Variants in PCCA observed in about 807,000 individuals in gnomAD.
The protein encoded by PCCA is propionyl-CoA carboxylase alpha chain, mitochondrial.
PCCA carries 74 observed loss-of-function variants against 101.3 expected under a neutral mutation model. The observed-to-expected ratio is 0.73, with a 90% CI of 0.61 to 0.89. PCCA has a LOEUF of 0.89. PCCA is among the 40% of genes least tolerant of loss of function. The pLI is 0.00. For missense variants in PCCA, 891 were observed against 907.0 expected, an observed-to-expected ratio of 0.98 and a Z score of 0.23; for synonymous variants, 294 against 313.6, an observed-to-expected ratio of 0.94 and a Z score of 0.66.
At chr13:100,518,685 C>T (rs2087014019) in intron 22 of PCCA, among the ~76,000 whole-genome samples, 1 of 152,096 alleles carries the variant, frequency 6.6e-6, no homozygotes, top group South Asian at 2.1e-4. Flanking sequence ...TTATTAAGGT[C>T]CAGAATCAGT....
At position 100,253,842 on chromosome 13, in the gene PCCA, C is replaced by T. The variant is rs1009025243; in HGVS notation, c.638-3753C>T. Among the ~76,000 whole-genome samples the T allele has an allele frequency of 7.1e-5, 10 of 140,438 alleles. 1 individual carries two copies. The highest frequency in any genetic ancestry group is 6.7e-4 in the Admixed American group (9 of 13,352). 92.1% of individuals were successfully genotyped at this position (140,438 alleles called of 152,430 possible). ...AAGGTGAGGAAAAACTTGGGAAGGG[C>T]ACTAGAGCCTGATTTTTTTTTTTTT... On this transcript the variant is annotated intron_variant, in intron 8 of 23. Transcript: ENST00000376285.
chr13:100,253,041 G>A (rs909941695), intron 8 of PCCA, among the ~76,000 whole-genome samples: 3 of 152,112 alleles, frequency 2.0e-5, no homozygotes, highest in African/African-American at 7.2e-5. Flanking sequence ...TTAAATACTA[G>A]TTTTCTCAGA....
chr13:100,405,624 A>T (rs373828012), intron 19 of PCCA, among the ~76,000 whole-genome samples: 1 of 152,188 alleles, frequency 6.6e-6, no homozygotes, highest in Non-Finnish European at 1.5e-5. Flanking sequence ...ATGGATGTCT[A>T]TTCCACAAGG....
intron 4 of PCCA, among the ~76,000 whole-genome samples, chr13:100,125,047 C>T (rs888463356): frequency 4.6e-5 from 7 of 152,126 alleles, no homozygotes; most frequent in Non-Finnish European, 1.0e-4. Context: ...ATGCCTATCA[C>T]TGATCCTCAA....
At chr13:100,442,140 C>T (rs1161445635) in intron 20 of PCCA, among the ~76,000 whole-genome samples, 3 of 151,958 alleles carry the variant, frequency 2.0e-5, no homozygotes, top group Non-Finnish European at 2.9e-5. Context: ...ATTACAGGCG[C>T]GTGCCACCAT....
In PCCA at chr13:100,394,766, A is replaced by T. The variant is rs1299474280; in HGVS notation, c.1746+26192A>T. 1.3e-5 allele frequency among the ~76,000 whole-genome samples: 2 copies of T among 152,186 alleles called. No individual in the cohort carries two copies. The highest frequency in any genetic ancestry group is 6.5e-5 in the Admixed American group (1 of 15,278). On this transcript the variant is annotated intron_variant, in intron 19 of 23. Coordinates refer to ENST00000376285, the MANE Select transcript of PCCA (RefSeq NM_000282.4). The surrounding 1 kb of genome is among the most constrained non-coding windows in gnomAD (Gnocchi z 4.3). ...CCTTCATAGTAAAATTATGTTTTTT[A>T]AAAAATATGTCCTACTACTAATATT...
chr13:100,277,289 T>C (rs956888069), intron 12 of PCCA, among the ~76,000 whole-genome samples: 1 of 152,220 alleles, frequency 6.6e-6, no homozygotes, highest in Non-Finnish European at 1.5e-5. Flanking sequence ...GTTATGCTTT[T>C]GATTTGTTGA....
chr13:100,506,287 A>G (rs1054525309), intron 21 of PCCA, among the ~76,000 whole-genome samples: 4 of 149,872 alleles, frequency 2.7e-5, no homozygotes, highest in Non-Finnish European at 3.0e-5. Context: ...CTCAGCGTCT[A>G]GGATGTGTCA....
chr13:100,208,173 C>G (rs1014391654), intron 6 of PCCA, among the ~76,000 whole-genome samples: 2 of 152,114 alleles, frequency 1.3e-5, no homozygotes, highest in Admixed American at 1.3e-4. Flanking sequence ...ATATTTATCT[C>G]CTTGTATATT....
At chr13:100,287,313 C>T (rs879457179) in intron 12 of PCCA, among the ~76,000 whole-genome samples, 11 of 151,586 alleles carry the variant, frequency 7.3e-5, no homozygotes, top group African/African-American at 1.2e-4. Context: ...AAAAATTAGC[C>T]TATAGATTAG....
chr13:100,365,286 A>G (rs1323706373), intron 18 of PCCA, among the ~76,000 whole-genome samples: 1 of 152,190 alleles, frequency 6.6e-6, no homozygotes, highest in Non-Finnish European at 1.5e-5. Flanking sequence ...TCCTGGGACA[A>G]ATTATAATAT....
chr13:100,256,186 T>C (rs924770197), intron 8 of PCCA, among the ~76,000 whole-genome samples: 4 of 152,158 alleles, frequency 2.6e-5, no homozygotes, highest in South Asian at 2.1e-4. Context: ...TTTGTATTTT[T>C]AGTAGAGACG....
At chr13:100,430,261 C>T (rs569265766) in intron 20 of PCCA, among the ~76,000 whole-genome samples, 4 of 151,762 alleles carry the variant, frequency 2.6e-5, no homozygotes, top group South Asian at 2.1e-4. Flanking sequence ...AGTGAAACTC[C>T]GTCTCAAAAA....
At chr13:100,282,293 C>G (rs929265279) in intron 12 of PCCA, among the ~76,000 whole-genome samples, 24 of 152,250 alleles carry the variant, frequency 1.6e-4, no homozygotes, top group African/African-American at 5.8e-4. Flanking sequence ...TGGCAGTCCT[C>G]AGAGCCCTCG....
intron 11 of PCCA, among the ~76,000 whole-genome samples, chr13:100,271,935 G>A (rs2152577602): frequency 6.6e-6 from 1 of 152,300 alleles, no homozygotes; most frequent in East Asian, 1.9e-4. Context: ...CTTCATGCAA[G>A]TTTTTTATAC....
intron 21 of PCCA, among the ~76,000 whole-genome samples, chr13:100,468,295 G>A (rs984402783): frequency 1.3e-5 from 2 of 152,162 alleles, no homozygotes; most frequent in Non-Finnish European, 2.9e-5. Flanking sequence ...AATGGTAAGT[G>A]AGCACTGGCT....
chr13:100,433,557 A>G (rs951966814), intron 20 of PCCA, among the ~76,000 whole-genome samples: 1 of 152,166 alleles, frequency 6.6e-6, no homozygotes, highest in East Asian at 1.9e-4. Context: ...ATATAAAACC[A>G]CATACCATTC....
intron 12 of PCCA, chr13:100,293,140 T>G (rs553319414): frequency 2.5e-4 from 113 of 448,088 alleles, no homozygotes; most frequent in South Asian, 1.8e-3. Context: ...GTCAGTCAGC[T>G]GTCCATATCT....
chr13:100,129,942 C>G (rs2050330498), intron 4 of PCCA, among the ~76,000 whole-genome samples: 1 of 152,108 alleles, frequency 6.6e-6, no homozygotes, highest in African/African-American at 2.4e-5. Context: ...AAATGTTTAC[C>G]ATTTATTTCT....
Sources: allele counts gnomAD v4.1 joint callset (sites outside exome capture counted in the v4.1 genomes callset), GRCh38; gene constraint gnomAD v4.1.1; non-coding constraint Gnocchi (gnomAD v3.1); transcripts MANE v1.5; gene names NCBI Gene and HGNC (gene_info 2026-07-23, HGNC 2026-07-21).